WDR3: variants seen among roughly 807,000 people sequenced by gnomAD.
The protein encoded by WDR3 is WD repeat domain 3.
A neutral mutation model predicts 123.7 loss-of-function variants in WDR3; 81 were observed. The ratio of observed to expected loss-of-function variants is 0.65; its 90% CI spans 0.55 to 0.79. The LOEUF is 0.79. WDR3 is among the 30% of genes least tolerant of loss of function. WDR3 has a pLI of 0.00. For synonymous variants in WDR3, 390 were observed against 388.8 expected, an observed-to-expected ratio of 1.00 and a Z score of -0.04; for missense variants, 1,027 against 1,123.2, an observed-to-expected ratio of 0.91 and a Z score of 1.22.
Position 117,948,325 on chromosome 1 carries a change from C to G in WDR3, c.1423-80C>G, listed in dbSNP as rs1467630540. 4.0e-6 allele frequency: 5 copies of G among 1,252,968 alleles called. No homozygotes were observed. The Admixed American group carries it at 6.0e-5, about 15-fold the overall frequency. 77.6% of individuals were successfully genotyped at this position (1,252,968 alleles called of 1,614,324 possible). On this transcript the variant is annotated intron_variant, in intron 12 of 26. Coordinates refer to ENST00000349139, the MANE Select transcript of WDR3 (RefSeq NM_006784.3). ...CATTTTTGCAGCTTGGTTATGAAGT[C>G]TTTTCTAAATTGTGCAGTCATGAAT...
At chr1:117,931,028 A>G (rs910576610) in intron 1 of WDR3, among the ~76,000 whole-genome samples, 2 of 152,156 alleles carry the variant, frequency 1.3e-5, no homozygotes, top group African/African-American at 4.8e-5. Context: ...GCTCACTGCA[A>G]CCTCGAACTT....
intron 9 of WDR3, 110 bp downstream of exon 9, chr1:117,941,957 A>C: frequency 3.5e-6 from 5 of 1,430,596 alleles, no homozygotes; most frequent in Non-Finnish European, 4.5e-6. Flanking sequence ...TTACCATTAA[A>C]AGTTAAAGAA....
At chr1:117,957,044 T>C in intron 24 of WDR3, 24 bp from the exon 25 acceptor site, 1 of 1,536,872 alleles carries the variant, frequency 6.5e-7, no homozygotes, top group Non-Finnish European at 8.7e-7. Flanking sequence ...TGTGGCATTT[T>C]TATATTTATT....
At position 117,934,635 on chromosome 1, in the gene WDR3, A is replaced by G. The variant is rs1349142572; in HGVS notation, c.334A>G (p.Thr112Ala). ...TFNGHKAAIT[T>A]LKYDQLGGRL... ...CAATGGTCACAAAGCAGCTATCACT[A>G]CCTTGAAGTATGATCAGCTAGGAGG... Residue 112 changes from threonine to alanine, a missense_variant, in exon 3 of 27, where the codon ACC becomes GCC. Physicochemically the swap from Thr to Ala is moderately conservative, Grantham distance 58 (BLOSUM62 0). Transcript: ENST00000349139. 1.2e-6 allele frequency: 2 copies of G among 1,613,978 alleles called. No individual in the cohort carries two copies. The highest frequency in any genetic ancestry group is 1.7e-5 in the Admixed American group (1 of 60,024).
Position 117,959,207 on chromosome 1 carries a change from G to T in WDR3, c.2677-85G>T, listed in dbSNP as rs984393663. The T allele has an allele frequency of 2.0e-6, 3 of 1,497,394 alleles. No individual in the cohort carries two copies. In the South Asian group the frequency reaches 4.0e-5, roughly 20 times the overall value. 92.8% of individuals were successfully genotyped at this position (1,497,394 alleles called of 1,614,324 possible). A position where few individuals can be genotyped will look rare whatever the true frequency, so the allele number is the denominator to read the frequency against. The stretch of plus-strand genomic sequence containing the variant: ...GGAAAGATAAGTAACAACACCTGAA[G>T]CTTTGGTTACCCTAACTCTCATACG... On this transcript the variant is annotated intron_variant, in intron 26 of 26. Transcript: ENST00000349139.
chr1:117,939,631 T>G, intron 6 of WDR3, 59 bp downstream of exon 6: 1 of 1,528,238 alleles, frequency 6.5e-7, no homozygotes. Flanking sequence ...CACCTTGGAT[T>G]TAGAATCAGA....
At chr1:117,952,230 A>T in intron 17 of WDR3, 67 bp from the exon 18 acceptor site, 1 of 1,486,002 alleles carries the variant, frequency 6.7e-7, no homozygotes, top group East Asian at 2.3e-5. Flanking sequence ...AAAGCTATTT[A>T]TGTGTGTAAA....
At chr1:117,939,662 C>G (rs1193913859) in intron 6 of WDR3, 90 bp downstream of exon 6, 14 of 1,273,556 alleles carry the variant, frequency 1.1e-5, no homozygotes, top group Non-Finnish European at 1.6e-5. Context: ...CAGTACTTCA[C>G]ATCATATTAG....
chr1:117,954,163 G>T, intron 22 of WDR3, 64 bp downstream of exon 22: 2 of 1,400,008 alleles, frequency 1.4e-6, no homozygotes, highest in Non-Finnish European at 2.0e-6. Flanking sequence ...AAAAACCATT[G>T]TTTTGGGATT....
intron 1 of WDR3, among the ~76,000 whole-genome samples, chr1:117,931,326 A>G (rs1650710092): frequency 6.6e-6 from 1 of 152,258 alleles, no homozygotes; most frequent in African/African-American, 2.4e-5. Context: ...GTATGTAATT[A>G]AACAATTGCA....
At chr1:117,957,310 C>T (rs1466328527) in intron 25 of WDR3, 114 bp downstream of exon 25, 1 of 1,323,426 alleles carries the variant, frequency 7.6e-7, no homozygotes, top group Non-Finnish European at 1.0e-6. Flanking sequence ...AACTCGGTGG[C>T]TCACACCCGT....
At position 117,964,782 on chromosome 1, in the gene WDR3, A is replaced by G. The variant is rs1653599123; in HGVS notation, c.*5335A>G. The stretch of plus-strand genomic sequence containing the variant: ...TGAACAAATGAACTAAACTTCATTT[A>G]TTGACATCAGTGCTATCTGACACAA... On this transcript the variant is annotated 3_prime_UTR_variant, in exon 27 of 27. Transcript: ENST00000349139. 1 of 152,226 alleles carries G rather than the reference A, an allele frequency of 6.6e-6. No individual in the cohort carries two copies. The highest frequency in any genetic ancestry group is 2.4e-5 in the African/African-American group (1 of 41,468). The allele number at this position is 152,226 out of a possible 1,614,324, so 9.4% of individuals were successfully genotyped here.
rs199914157 is a variant in WDR3 at position 117,946,192 on chromosome 1, T to A, written c.1422+13T>A. The A allele has an allele frequency of 3.3e-4, 529 of 1,587,236 alleles. No individual in the cohort carries two copies. Among genetic ancestry groups the A allele is most frequent in the Admixed American group, 4.4e-4 (25 of 56,498 alleles). On this transcript the variant is annotated intron_variant, in intron 12 of 26. Transcript: ENST00000349139. Reference sequence around the variant, plus strand: ...CATAGGAACAAAGGTAAATGGAGACTTTTTCTGGGATATCTGGATCTTTTC... The same window carrying A: ...CATAGGAACAAAGGTAAATGGAGACATTTTCTGGGATATCTGGATCTTTTC...
chr1:117,934,590 G>A lies in WDR3; in HGVS notation c.289G>A (p.Gly97Arg), dbSNP rs989527119. 3.1e-6 allele frequency: 5 copies of A among 1,614,166 alleles called. No homozygotes were observed. In the East Asian group the frequency reaches 1.1e-4, roughly 36 times the overall value. ...GATCCGAATCTTCAGTCTCCTGAGT[G>A]GGGAAGGAAATGTGACCTTCAATGG... ...GSIRIFSLLS[G>R]EGNVTFNGHK... is the part of the protein sequence containing the mutation. The change falls in exon 3 of 27, where the codon GGG (glycine) becomes AGG (arginine). Residue 97 changes from glycine (G) to arginine (R), a missense_variant. Gly to Arg is a moderately radical substitution (Grantham distance 125, BLOSUM62 -2). Coordinates refer to ENST00000349139, the MANE Select transcript of WDR3 (RefSeq NM_006784.3).
Position 117,941,188 on chromosome 1 carries a change from T to C in WDR3, c.854T>C (p.Leu285Pro). 6.2e-7 allele frequency: 1 copy of C among 1,614,148 alleles called. No individual in the cohort carries two copies. Among genetic ancestry groups the C allele is most frequent in the Non-Finnish European group, 8.5e-7 (1 of 1,179,996 alleles). ...MREGRDRVVN[L>P]AVDKTGRILA... ...GAAGGAAGAGACAGAGTTGTAAACC[T>C]TGCAGTCGACAAGACAGGCAGGATT... The change falls in exon 8 of 27, where the codon CTT becomes CCT. Residue 285 changes from leucine to proline, a missense_variant. Coordinates refer to ENST00000349139, the MANE Select transcript of WDR3 (RefSeq NM_006784.3).
chr1:117,942,350 G>T, intron 9 of WDR3, 87 bp from the exon 10 acceptor site: 1 of 1,076,924 alleles, frequency 9.3e-7, no homozygotes, highest in South Asian at 1.3e-5. Context: ...CAGTTTGTTG[G>T]TCAAGGGGCC....
intron 23 of WDR3, 27 bp from the exon 24 acceptor site, chr1:117,955,288 C>T: frequency 1.3e-6 from 2 of 1,599,634 alleles, no homozygotes. Flanking sequence ...AAGAGTATCA[C>T]TAATGGTATT....
In WDR3 at chr1:117,942,535, C is replaced by T; in HGVS notation, c.1088C>T (p.Ala363Val). ...IQRVTNIKTSAKIKSFDLIHS... is the reference protein window; with the variant it reads ...IQRVTNIKTSVKIKSFDLIHS... ...CGGGTGACTAATATAAAAACTTCTGCCAAAATCAAGTGAGTAAAAATAAAT... is the reference window on the plus strand; with the variant it reads ...CGGGTGACTAATATAAAAACTTCTGTCAAAATCAAGTGAGTAAAAATAAAT... Residue 363 changes from alanine (A) to valine (V), a missense_variant, in exon 10 of 27, where the codon GCC (alanine) becomes GTC (valine). By Grantham distance (64) the Ala-to-Val change is moderately conservative. Coordinates refer to ENST00000349139, the MANE Select transcript of WDR3 (RefSeq NM_006784.3). 1.9e-6 allele frequency: 3 copies of T among 1,613,048 alleles called. No homozygotes were observed. The highest frequency in any genetic ancestry group is 2.5e-6 in the Non-Finnish European group (3 of 1,179,420).
intron 24 of WDR3, among the ~76,000 whole-genome samples, chr1:117,955,893 C>T (rs1652131351): frequency 1.3e-5 from 2 of 152,028 alleles, no homozygotes; most frequent in Admixed American, 1.3e-4. Context: ...TCTTTGTCAT[C>T]ATTATTGATT....
Sources: gnomAD v4.1 joint callset for allele counts (sites outside exome capture counted in the v4.1 genomes callset) on GRCh38, gnomAD v4.1.1 for gene constraint, MANE v1.5 for transcripts, NCBI Gene and HGNC (gene_info 2026-07-23, HGNC 2026-07-21) for gene names.